The following DCHS2 variants were observed in gnomAD, a reference collection of about 807,000 sequenced individuals.
The protein encoded by DCHS2 is dachsous cadherin-related 2.
In DCHS2, 142 loss-of-function variants were observed where a neutral mutation model predicts 182.4. That is an observed-to-expected ratio of 0.78 (90% CI 0.68 to 0.89). The LOEUF is 0.89. Ranked by LOEUF, DCHS2 falls within the 40% of genes least tolerant of loss-of-function variation. DCHS2 has a pLI of 0.00. For missense variants in DCHS2, 4,319 were observed against 4,198.6 expected (o/e 1.03, Z -0.79); for synonymous variants, 1,740 against 1,663.3 (o/e 1.05, Z -1.12).
chr4:154,391,638 C>T (rs1421188741), intron 1 of DCHS2, among the ~76,000 whole-genome samples: 1 of 152,070 alleles, frequency 6.6e-6, no homozygotes, highest in African/African-American at 2.4e-5. Flanking sequence ...ATCTCAACAC[C>T]CTCTCGACAC....
chr4:154,329,738 C>T, intron 5 of DCHS2, 28 bp from the exon 6 acceptor site: 3 of 1,587,546 alleles, frequency 1.9e-6, no homozygotes, highest in Non-Finnish European at 2.6e-6. Context: ...GAACAAGACA[C>T]AGGCACTGTG....
intron 1 of DCHS2, among the ~76,000 whole-genome samples, chr4:154,424,874 A>C (rs1733257508): frequency 6.6e-6 from 1 of 152,228 alleles, no homozygotes; most frequent in African/African-American, 2.4e-5. Context: ...GGAAGTCTCC[A>C]GCTACAGAGA....
At chr4:154,463,899 AC>A (rs1345544842) in intron 1 of DCHS2, among the ~76,000 whole-genome samples, 8 of 152,218 alleles carry the variant, frequency 5.3e-5, no homozygotes, top group Non-Finnish European at 8.8e-5. Context: ...TTACTAAAAA[AC>A]ATGTGTAAAA....
intron 1 of DCHS2, among the ~76,000 whole-genome samples, chr4:154,450,916 T>C (rs1285306425): frequency 6.6e-6 from 1 of 152,186 alleles, no homozygotes; most frequent in Non-Finnish European, 1.5e-5. Context: ...GAGATATCCC[T>C]TCTAAGGTGA....
chr4:154,414,987 C>T (rs530928847), intron 1 of DCHS2, among the ~76,000 whole-genome samples: 1 of 152,254 alleles, frequency 6.6e-6, no homozygotes, highest in African/African-American at 2.4e-5. Context: ...GGCTACAGCT[C>T]CCAGATGAGC....
chr4:154,245,614 C>T (rs1732036182), intron 16 of DCHS2, among the ~76,000 whole-genome samples: 1 of 152,008 alleles, frequency 6.6e-6, no homozygotes, highest in Admixed American at 6.6e-5. Context: ...ACTATGATTT[C>T]TGGTTAAAGA....
chr4:154,474,125 C>CAGTG (rs1735590460), intron 1 of DCHS2, among the ~76,000 whole-genome samples: 1 of 152,198 alleles, frequency 6.6e-6, no homozygotes, highest in Non-Finnish European at 1.5e-5. Flanking sequence ...ACTCCAGTCT[C>CAGTG]TGCCTCCATC....
chr4:154,473,640 G>C (rs544881448), intron 1 of DCHS2, among the ~76,000 whole-genome samples: 2 of 152,312 alleles, frequency 1.3e-5, no homozygotes, highest in Non-Finnish European at 1.5e-5. Flanking sequence ...CACCTTGACA[G>C]AGAGGGGTGC....
intron 1 of DCHS2, among the ~76,000 whole-genome samples, chr4:154,388,042 A>G (rs1731494673): frequency 6.6e-6 from 1 of 152,110 alleles, no homozygotes; most frequent in South Asian, 2.1e-4. Flanking sequence ...CTGAAAAGTA[A>G]CTCTGTGTTT....
At chr4:154,300,798 G>A (rs1735168535) in intron 12 of DCHS2, among the ~76,000 whole-genome samples, 1 of 152,132 alleles carries the variant, frequency 6.6e-6, no homozygotes. Flanking sequence ...AACAATATTT[G>A]CGTGCAGGAA....
Position 154,490,314 on chromosome 4 carries a change from C to G in DCHS2, c.1042G>C (p.Gly348Arg). Residue 348 changes from glycine (G) to arginine (R), a missense_variant, in exon 1 of 20, where the codon GGG becomes CGG. Gly to Arg is a moderately radical substitution (Grantham distance 125). Transcript: ENST00000357232. Reference sequence around the variant, plus strand: ...AAGTAGGCCGCGTCGCCCAGTGCCCCGCCGCCGCTACCCGCCCCAGGCACT... The same window carrying G: ...AAGTAGGCCGCGTCGCCCAGTGCCCGGCCGCCGCTACCCGCCCCAGGCACT... ...RQVPGAGSGG[G>R]ALGDAAYFAV... is the part of the protein sequence containing the mutation. The G allele has an allele frequency of 6.5e-7, 1 of 1,545,408 alleles. No homozygotes were observed. The highest frequency in any genetic ancestry group is 8.7e-7 in the Non-Finnish European group (1 of 1,146,404).
chr4:154,332,582 A>C lies in DCHS2; in HGVS notation c.3626T>G (p.Val1209Gly), dbSNP rs186083451. The C allele has an allele frequency of 2.0e-5, 33 of 1,614,142 alleles. No individual in the cohort carries two copies. The East Asian group carries it at 7.4e-4, about 36-fold the overall frequency. Residue 1209 changes from valine (V) to glycine (G), a missense_variant, in exon 5 of 20, where the codon GTA becomes GGA. Val to Gly is a moderately radical substitution (Grantham distance 109). Transcript: ENST00000357232. The stretch of plus-strand genomic sequence containing the variant: ...GTCAATAGCTGTAATTTTGCCTATT[A>C]CCCCTTGGGGAACAGGGCTCTCTTC... ...KVEESPVPQG[V>G]IGKITAIDMD...
chr4:154,460,034 C>A (rs1409110885), intron 1 of DCHS2, among the ~76,000 whole-genome samples: 1 of 152,040 alleles, frequency 6.6e-6, no homozygotes, highest in East Asian at 1.9e-4. Context: ...TCAGCAATAC[C>A]AAGGTTGTAC....
chr4:154,467,730 G>A (rs1423255499), intron 1 of DCHS2, among the ~76,000 whole-genome samples: 1 of 152,034 alleles, frequency 6.6e-6, no homozygotes, highest in Non-Finnish European at 1.5e-5. Context: ...ACACCTAATG[G>A]CAATTTTGAA....
At chr4:154,241,655 G>A (rs866987643) in intron 17 of DCHS2, among the ~76,000 whole-genome samples, 2 of 152,014 alleles carry the variant, frequency 1.3e-5, no homozygotes, top group African/African-American at 2.4e-5. Context: ...CAACCACACC[G>A]TACCCTATTC....
chr4:154,315,934 G>C lies in DCHS2; in HGVS notation c.5074C>G (p.Leu1692Val). 1 of 1,614,012 alleles carries C rather than the reference G, an allele frequency of 6.2e-7. No homozygotes were observed. The highest frequency in any genetic ancestry group is 1.7e-5 in the Admixed American group (1 of 59,998). ...CCATCATCCAGTGCCAGAACAGTCAGAATATGCTGAGTTTTCATTTCATAA... is the reference window on the plus strand; with the variant it reads ...CCATCATCCAGTGCCAGAACAGTCACAATATGCTGAGTTTTCATTTCATAA... ...LDYEMKTQHI[L>V]TVLALDDGTP... Residue 1692 changes from leucine (L) to valine (V), a missense_variant, in exon 10 of 20, where the codon CTG becomes GTG. Coordinates refer to ENST00000357232, the MANE Select transcript of DCHS2 (RefSeq NM_001358235.2).
chr4:154,490,410 A>T lies in DCHS2; in HGVS notation c.946T>A (p.Cys316Ser), dbSNP rs1329186604. The change falls in exon 1 of 20, where the codon TGT becomes AGT. Residue 316 changes from cysteine (C) to serine (S), a missense_variant. Physicochemically the swap from Cys to Ser is moderately radical, Grantham distance 112. Transcript: ENST00000357232. ...TCGCGGTCGGTGGCGCGCACGCGACAGACCTCGGCGCCCGGCTGGGCGTCC... is the reference window on the plus strand; with the variant it reads ...TCGCGGTCGGTGGCGCGCACGCGACTGACCTCGGCGCCCGGCTGGGCGTCC... ...REDAQPGAEV[C>S]RVRATDRDLG... is the part of the protein sequence containing the mutation. The T allele has an allele frequency of 6.5e-7, 1 of 1,533,568 alleles. No individual in the cohort carries two copies. Among genetic ancestry groups the T allele is most frequent in the Non-Finnish European group, 8.7e-7 (1 of 1,144,904 alleles). 95.0% of individuals were successfully genotyped at this position (1,533,568 alleles called of 1,614,324 possible). A position where few individuals can be genotyped will look rare whatever the true frequency, so the allele number is the denominator to read the frequency against.
At chr4:154,331,989 A>G (rs1435867459) in intron 5 of DCHS2, among the ~76,000 whole-genome samples, 2 of 152,222 alleles carry the variant, frequency 1.3e-5, no homozygotes, top group African/African-American at 4.8e-5. Flanking sequence ...AAAAGGATAT[A>G]TATTCTTAGA....
At chr4:154,253,574 T>A (rs1732493760) in intron 16 of DCHS2, among the ~76,000 whole-genome samples, 1 of 152,202 alleles carries the variant, frequency 6.6e-6, no homozygotes, top group Non-Finnish European at 1.5e-5. Context: ...AAAAGTTTCA[T>A]GCTTAAACAA....
Sources: gnomAD v4.1 joint callset for allele counts (sites outside exome capture counted in the v4.1 genomes callset) on GRCh38, gnomAD v4.1.1 for gene constraint, MANE v1.5 for transcripts, NCBI Gene and HGNC (gene_info 2026-07-23, HGNC 2026-07-21) for gene names.